Variants in GPR55 observed in about 807,000 individuals in gnomAD.
The protein encoded by GPR55 is G protein-coupled receptor 55, also known as G-protein coupled receptor 55.
GPR55 carries 6 observed loss-of-function variants against 7.9 expected under a neutral mutation model. That is an observed-to-expected ratio of 0.76 (90% CI 0.41 to 1.49). The LOEUF (loss-of-function observed/expected upper bound fraction) is 1.49, where lower values mean the gene tolerates loss of function less well. GPR55 is among the 40% of genes most tolerant of loss of function. The pLI is 0.01. For missense variants in GPR55, 376 were observed against 406.0 expected, an observed-to-expected ratio of 0.93 and a Z score of 0.63; for synonymous variants, 183 against 166.8, an observed-to-expected ratio of 1.10 and a Z score of -0.75.
Position 230,907,835 on chromosome 2 carries a change from C to T in GPR55, c.*2168G>A. 6.6e-6 allele frequency: 1 copy of T among 152,364 alleles called. No homozygotes were observed. 9.4% of individuals were successfully genotyped at this position (152,364 alleles called of 1,614,324 possible). ...TGATAGTTGGTTAGGTCCACCCACCCTTGTCTCTTAGGAAGCCCATCTGGC... is the reference window on the plus strand; with the variant it reads ...TGATAGTTGGTTAGGTCCACCCACCTTTGTCTCTTAGGAAGCCCATCTGGC... On this transcript the variant is annotated 3_prime_UTR_variant, in exon 2 of 2. Coordinates refer to ENST00000650999, the MANE Select transcript of GPR55 (RefSeq NM_005683.4).
At chr2:230,941,698 C>T (rs1157743008) in intron 1 of GPR55, among the ~76,000 whole-genome samples, 1 of 152,218 alleles carries the variant, frequency 6.6e-6, no homozygotes, top group Non-Finnish European at 1.5e-5. Flanking sequence ...CTTCAGGTCT[C>T]AGGTTGAACG....
chr2:230,945,376 C>CAAAA (rs1553543604), intron 1 of GPR55, among the ~76,000 whole-genome samples: 1 of 48,810 alleles, frequency 2.0e-5, no homozygotes, highest in African/African-American at 4.9e-4. Flanking sequence ...AATGCACTCC[C>CAAAA]AATGACCCAG....
At chr2:230,953,773 C>T (rs2125071019) in intron 1 of GPR55, among the ~76,000 whole-genome samples, 1 of 152,296 alleles carries the variant, frequency 6.6e-6, no homozygotes, top group South Asian at 2.1e-4. Flanking sequence ...AGCAGGATCT[C>T]CTAGGAAACT....
chr2:230,952,304 C>T (rs1691416305), intron 1 of GPR55, among the ~76,000 whole-genome samples: 1 of 152,194 alleles, frequency 6.6e-6, no homozygotes, highest in Non-Finnish European at 1.5e-5. Context: ...ATGCCCAAGC[C>T]TTCAGTAATA....
rs776333698 is a variant in GPR55 at position 230,910,436 on chromosome 2, G to A, written c.527C>T (p.Thr176Ile). ...CGGGAAGAAGACCTTGGCGCTCCAGGTATCATCAGACATGTTGTGGAAGCA... is the reference window on the plus strand; with the variant it reads ...CGGGAAGAAGACCTTGGCGCTCCAGATATCATCAGACATGTTGTGGAAGCA... ...YMCFHNMSDD[T>I]WSAKVFFPLE... The change falls in exon 2 of 2, where the codon ACC becomes ATC. Residue 176 changes from threonine (T) to isoleucine (I), a missense_variant. Coordinates refer to ENST00000650999, the MANE Select transcript of GPR55 (RefSeq NM_005683.4). This position sits in a 1 kb window ranked among gnomAD's most constrained non-coding sequence, Gnocchi z 5.4. The A allele has an allele frequency of 1.2e-6, 2 of 1,613,934 alleles. No homozygotes were observed. Among genetic ancestry groups the A allele is most frequent in the South Asian group, 1.1e-5 (1 of 91,066 alleles).
chr2:230,949,168 T>G (rs1348040063), intron 1 of GPR55, among the ~76,000 whole-genome samples: 2 of 151,970 alleles, frequency 1.3e-5, no homozygotes, highest in Non-Finnish European at 2.9e-5. Flanking sequence ...TTTGTTTGTT[T>G]GTTTGTTTTC....
At chr2:230,953,201 C>T (rs1041638400) in intron 1 of GPR55, among the ~76,000 whole-genome samples, 1 of 152,096 alleles carries the variant, frequency 6.6e-6, no homozygotes, top group Non-Finnish European at 1.5e-5. Context: ...CTGAGGTGGG[C>T]AGAATAATCT....
intron 1 of GPR55, among the ~76,000 whole-genome samples, chr2:230,921,645 G>C (rs929434875): frequency 3.3e-5 from 5 of 152,172 alleles, no homozygotes; most frequent in Non-Finnish European, 7.3e-5. Context: ...ACCACTTTAA[G>C]GAAAGTGGGA....
intron 1 of GPR55, among the ~76,000 whole-genome samples, chr2:230,950,850 A>G (rs1214725550): frequency 6.6e-6 from 1 of 152,042 alleles, no homozygotes; most frequent in Non-Finnish European, 1.5e-5. Flanking sequence ...GACTCTCCCC[A>G]GAGAGGGTTC....
chr2:230,927,894 C>A (rs1690970033), upstream of GPR55, among the ~76,000 whole-genome samples: 1 of 152,208 alleles, frequency 6.6e-6, no homozygotes, highest in Non-Finnish European at 1.5e-5. Flanking sequence ...ACCTGCCCAC[C>A]AGGGGGTTTG....
intron 1 of GPR55, among the ~76,000 whole-genome samples, chr2:230,933,563 C>A (rs1204350753): frequency 6.6e-6 from 1 of 152,246 alleles, no homozygotes; most frequent in African/African-American, 2.4e-5. Flanking sequence ...GGTTGGTCCA[C>A]AGGCCAAAGA....
intron 1 of GPR55, among the ~76,000 whole-genome samples, chr2:230,956,205 C>G (rs756521214): frequency 1.3e-5 from 2 of 151,990 alleles, no homozygotes; most frequent in African/African-American, 4.8e-5. Context: ...CACTCTGTTG[C>G]CCAGGCTGGA....
intron 1 of GPR55, among the ~76,000 whole-genome samples, chr2:230,943,894 A>C (rs982110100): frequency 1.3e-5 from 2 of 152,210 alleles, no homozygotes; most frequent in Admixed American, 6.5e-5. Flanking sequence ...CCGGCACCAC[A>C]CTTCATATAA....
At chr2:230,951,847 A>ATCCTGGGCTCAGATGATCCTCTTACC in intron 1 of GPR55, among the ~76,000 whole-genome samples, 1 of 150,984 alleles carries the variant, frequency 6.6e-6, no homozygotes, top group Non-Finnish European at 1.5e-5. Context: ...CAACCTTAAC[A>ATCCTGGGCTCAGATGATCCTCTTACC]TCCTGGGCTC....
At chr2:230,915,259 T>G (rs547018074) in intron 1 of GPR55, among the ~76,000 whole-genome samples, 7 of 152,196 alleles carry the variant, frequency 4.6e-5, no homozygotes, top group African/African-American at 1.7e-4. Context: ...CACCCCTGCA[T>G]AGCTGCCAAG....
At chr2:230,939,802 G>T (rs1016323352) in intron 1 of GPR55, among the ~76,000 whole-genome samples, 1 of 152,088 alleles carries the variant, frequency 6.6e-6, no homozygotes, top group Non-Finnish European at 1.5e-5. Flanking sequence ...CCCCAGGCAC[G>T]ATGGGTGGAG....
At chr2:230,950,656 G>A (rs564546129) in intron 1 of GPR55, among the ~76,000 whole-genome samples, 96 of 152,284 alleles carry the variant, frequency 6.3e-4, no homozygotes, top group African/African-American at 2.3e-3. Context: ...AAGTACACAC[G>A]TGTTGGCTTT....
intron 1 of GPR55, among the ~76,000 whole-genome samples, chr2:230,951,667 G>C (rs1169436057): frequency 6.6e-6 from 1 of 152,128 alleles, no homozygotes; most frequent in Non-Finnish European, 1.5e-5. Context: ...AGTTGGCTGG[G>C]ATCTTGACAA....
intron 1 of GPR55, among the ~76,000 whole-genome samples, chr2:230,945,432 A>G (rs79579709): frequency 0.022 from 3,385 of 152,230 alleles, 117 homozygotes; most frequent in African/African-American, 0.077. Context: ...GGAAAAAAAA[A>G]GGGGTGACTT....
Sources: gnomAD v4.1 joint callset for allele counts (sites outside exome capture counted in the v4.1 genomes callset) on GRCh38, gnomAD v4.1.1 for gene constraint, Gnocchi (gnomAD v3.1) non-coding constraint, MANE v1.5 for transcripts, NCBI Gene and HGNC (gene_info 2026-07-23, HGNC 2026-07-21) for gene names.